TMEM154: variants seen among roughly 807,000 people sequenced by gnomAD.
TMEM154 encodes transmembrane protein 154.
A neutral mutation model predicts 24.5 loss-of-function variants in TMEM154; 27 were observed. The observed-to-expected ratio is 1.10, with a 90% CI of 0.81 to 1.52. The LOEUF is 1.52. Among genes scored for constraint, TMEM154 ranks in the 40% most tolerant of loss-of-function variants. The probability of loss-of-function intolerance (pLI) is 0.00; values close to 1 mark genes in which losing one functional copy is unlikely to be tolerated. For synonymous variants in TMEM154, 67 were observed against 76.8 expected (o/e 0.87, Z 0.67); for missense variants, 228 against 213.4 (o/e 1.07, Z -0.43).
At chr4:152,638,683 TA>T (rs386680805) in intron 6 of TMEM154, among the ~76,000 whole-genome samples, 147 of 148,830 alleles carry the variant, frequency 9.9e-4, no homozygotes, top group African/African-American at 3.6e-3. Flanking sequence ...TTAGATTTTT[TA>T]ATGAATAAAA....
intron 1 of TMEM154, among the ~76,000 whole-genome samples, chr4:152,667,477 G>T (rs147824659): frequency 1.3e-5 from 2 of 152,152 alleles, no homozygotes; most frequent in African/African-American, 2.4e-5. Flanking sequence ...CCACGTAAAG[G>T]TCAGGTGACT....
At chr4:152,640,721 A>T (rs368829222) in intron 6 of TMEM154, among the ~76,000 whole-genome samples, 1 of 152,238 alleles carries the variant, frequency 6.6e-6, no homozygotes. Context: ...ATTTCTAAAG[A>T]TAAAGAGTCC....
intron 1 of TMEM154, among the ~76,000 whole-genome samples, chr4:152,676,194 C>G (rs1728949868): frequency 2.6e-5 from 4 of 152,214 alleles, no homozygotes; most frequent in Non-Finnish European, 5.9e-5. Context: ...GAGTTTTAAC[C>G]CAACTCTCAT....
rs368345486 is a variant in TMEM154, at chr4:152,652,574, G to C, written c.328C>G (p.Pro110Ala). The C allele has an allele frequency of 6.2e-7, 1 of 1,613,992 alleles. No individual in the cohort carries two copies. The highest frequency in any genetic ancestry group is 8.5e-7 in the Non-Finnish European group (1 of 1,179,942). ...YYKRKRTKQE[P>A]SSQGSQSALQ... ...GCACTCTGAGATCCTTGGCTAGAAGGTTCTGTATCAAAGCAAAGAATATTT... is the reference window on the plus strand; with the variant it reads ...GCACTCTGAGATCCTTGGCTAGAAGCTTCTGTATCAAAGCAAAGAATATTT... Residue 110 changes from proline to alanine, a missense_variant and splice_region_variant, in exon 3 of 7, where the codon CCT becomes GCT. By Grantham distance (27) the Pro-to-Ala change is conservative (BLOSUM62 -1). Coordinates refer to ENST00000304385, the MANE Select transcript of TMEM154 (RefSeq NM_152680.3).
intron 1 of TMEM154, among the ~76,000 whole-genome samples, chr4:152,674,464 T>C (rs1728912513): frequency 6.6e-6 from 1 of 152,192 alleles, no homozygotes; most frequent in African/African-American, 2.4e-5. Flanking sequence ...TCTTCTTTCT[T>C]GAGGGCAATC....
intron 3 of TMEM154, 78 bp downstream of exon 3, chr4:152,652,460 G>A (rs1728404435): frequency 3.8e-6 from 6 of 1,589,468 alleles, no homozygotes; most frequent in Non-Finnish European, 4.3e-6. Flanking sequence ...TGTAGTCCTT[G>A]TTGCTTAATT....
intron 3 of TMEM154, among the ~76,000 whole-genome samples, chr4:152,645,568 A>G (rs1752346317): frequency 6.6e-6 from 1 of 152,240 alleles, no homozygotes; most frequent in Non-Finnish European, 1.5e-5. Flanking sequence ...ACCATTCATC[A>G]TGTGAAACCT....
chr4:152,647,730 G>A (rs925186437), intron 3 of TMEM154, among the ~76,000 whole-genome samples: 7 of 152,170 alleles, frequency 4.6e-5, no homozygotes, highest in Admixed American at 3.9e-4. Context: ...CGTTGAGTTA[G>A]GTAAAGGGAT....
intron 1 of TMEM154, among the ~76,000 whole-genome samples, chr4:152,677,266 A>T (rs1728969511): frequency 6.6e-6 from 1 of 152,230 alleles, no homozygotes; most frequent in African/African-American, 2.4e-5. Context: ...AAAAGAGAAG[A>T]GGTCGCTGAC....
chr4:152,640,895 A>T, intron 6 of TMEM154, 33 bp downstream of exon 6: 1 of 1,186,476 alleles, frequency 8.4e-7, no homozygotes, highest in Non-Finnish European at 1.2e-6. Context: ...CCCCCGCCAT[A>T]TACATGTAAT....
chr4:152,642,208 C>T (rs1752272484), intron 5 of TMEM154, among the ~76,000 whole-genome samples: 1 of 152,086 alleles, frequency 6.6e-6, no homozygotes, highest in African/African-American at 2.4e-5. Context: ...CGTGAGCCAC[C>T]GTGCCTGGCC....
chr4:152,674,372 C>T (rs756664537), intron 1 of TMEM154, among the ~76,000 whole-genome samples: 1 of 152,150 alleles, frequency 6.6e-6, no homozygotes, highest in Non-Finnish European at 1.5e-5. Flanking sequence ...GGTCAGCTAC[C>T]CCAGGCTGAT....
intron 1 of TMEM154, chr4:152,668,557 T>G (rs1416713848): frequency 6.6e-6 from 1 of 152,032 alleles, no homozygotes; most frequent in Non-Finnish European, 1.5e-5. Context: ...ATGGGGTACA[T>G]GCGCATCCCA....
chr4:152,632,985 T>C (rs1752077953), intron 6 of TMEM154, among the ~76,000 whole-genome samples: 1 of 152,076 alleles, frequency 6.6e-6, no homozygotes, highest in Non-Finnish European at 1.5e-5. Context: ...GAATGAATGT[T>C]AGTAATCCTT....
At position 152,628,418 on chromosome 4, in the gene TMEM154, G is replaced by C; in HGVS notation, c.*128C>G. 6.8e-7 allele frequency: 1 copy of C among 1,471,288 alleles called. No individual in the cohort carries two copies. Among genetic ancestry groups the C allele is most frequent in the Non-Finnish European group, 9.4e-7 (1 of 1,067,672 alleles). 91.1% of individuals were successfully genotyped at this position (1,471,288 alleles called of 1,614,324 possible). A position where few individuals can be genotyped will look rare whatever the true frequency, so the allele number is the denominator to read the frequency against. ...GGAAGAGTGGGCGTTGGAAGAAACA[G>C]CAAAAGGTTCTTGTGTCTATGTTGA... On this transcript the variant is annotated 3_prime_UTR_variant, in exon 7 of 7. Transcript: ENST00000304385.
Position 152,625,437 on chromosome 4 carries a change from C to G in TMEM154, c.*3109G>C, listed in dbSNP as rs138432986. 2 of 152,558 alleles carry G rather than the reference C, an allele frequency of 1.3e-5. No homozygotes were observed. Among genetic ancestry groups the G allele is most frequent in the Non-Finnish European group, 2.9e-5 (2 of 68,204 alleles). 9.5% of individuals were successfully genotyped at this position (152,558 alleles called of 1,614,324 possible). On this transcript the variant is annotated 3_prime_UTR_variant, in exon 7 of 7. Transcript: ENST00000304385. ...AGTGGCTCACAATTGTAATCCAGCA[C>G]TTTGGGAGGCCGAGGCTGGTGGATC...
chr4:152,633,262 T>A (rs941305448), intron 6 of TMEM154, among the ~76,000 whole-genome samples: 2 of 152,234 alleles, frequency 1.3e-5, no homozygotes, highest in Non-Finnish European at 2.9e-5. Context: ...GCTCTGCTAC[T>A]AGTTGCCTCG....
At chr4:152,645,198 T>C (rs558975711) in intron 3 of TMEM154, among the ~76,000 whole-genome samples, 39 of 152,298 alleles carry the variant, frequency 2.6e-4, no homozygotes, top group African/African-American at 8.9e-4. Context: ...TTATTTATCG[T>C]GGTATCCCCT....
chr4:152,640,836 C>A (rs558673389), intron 6 of TMEM154, 92 bp downstream of exon 6: 5 of 1,070,942 alleles, frequency 4.7e-6, no homozygotes, highest in Non-Finnish European at 5.6e-6. Flanking sequence ...ATTATAGGCA[C>A]GGAGGAGGTA....
Sources: gnomAD v4.1 joint callset for allele counts (sites outside exome capture counted in the v4.1 genomes callset) on GRCh38, gnomAD v4.1.1 for gene constraint, MANE v1.5 for transcripts, NCBI Gene and HGNC (gene_info 2026-07-23, HGNC 2026-07-21) for gene names.